Variants in LAMC3 observed in about 807,000 individuals in gnomAD.
The protein encoded by LAMC3 is laminin subunit gamma-3.
In LAMC3, 128 loss-of-function variants were observed where a neutral mutation model predicts 173.8. The ratio of observed to expected loss-of-function variants is 0.74; its 90% CI spans 0.64 to 0.85. LAMC3 has a LOEUF of 0.85. Ranked by LOEUF, LAMC3 falls within the 40% of genes least tolerant of loss-of-function variation. LAMC3 has a pLI of 0.00. For synonymous variants in LAMC3, 897 were observed against 909.1 expected, an observed-to-expected ratio of 0.99 and a Z score of 0.24; for missense variants, 2,022 against 2,156.0, an observed-to-expected ratio of 0.94 and a Z score of 1.23.
At chr9:131,037,772 C>T (rs889043555) in intron 4 of LAMC3, among the ~76,000 whole-genome samples, 7 of 152,224 alleles carry the variant, frequency 4.6e-5, no homozygotes, top group East Asian at 1.9e-4. Flanking sequence ...GGATCACAGG[C>T]GTGAGCCATG....
At chr9:131,040,887 G>A (rs953276218) in intron 6 of LAMC3, among the ~76,000 whole-genome samples, 7 of 152,194 alleles carry the variant, frequency 4.6e-5, no homozygotes, top group African/African-American at 7.2e-5. Flanking sequence ...CAGGGTCTGC[G>A]TGATCTGTCT....
rs146344490 is a variant in LAMC3 at position 131,084,144 on chromosome 9, A to G, written c.4031-1380A>G. 2.1e-3 allele frequency among the ~76,000 whole-genome samples: 318 copies of G among 150,860 alleles called. 1 individual carries two copies. The highest frequency in any genetic ancestry group is 7.5e-3 in the African/African-American group (306 of 40,996). ...GTGATCTACCTGCCTCCGCCTCCCA[A>G]AGTGTTAGGATTACAGGCGTAAGTC... is the stretch of plus-strand genomic sequence containing the variant. On this transcript the variant is annotated intron_variant, in intron 24 of 27. Coordinates refer to ENST00000361069, the MANE Select transcript of LAMC3 (RefSeq NM_006059.4).
chr9:131,041,226 A>G (rs1465818368), intron 6 of LAMC3, among the ~76,000 whole-genome samples: 1 of 152,000 alleles, frequency 6.6e-6, no homozygotes, highest in African/African-American at 2.4e-5. Flanking sequence ...AATTAGCTGG[A>G]CATGGTGATG....
chr9:131,071,423 G>A (rs1303557087), intron 17 of LAMC3, 61 bp from the exon 18 acceptor site: 18 of 1,592,984 alleles, frequency 1.1e-5, no homozygotes, highest in South Asian at 3.3e-5. Context: ...GCCAGCGGGA[G>A]TGTCTGGGCA....
At chr9:131,087,346 C>T (rs922737084) in intron 25 of LAMC3, 130 bp from the exon 26 acceptor site, 45 of 1,169,392 alleles carry the variant, frequency 3.8e-5, no homozygotes, top group African/African-American at 1.8e-4. Flanking sequence ...ATATTTGTTG[C>T]GTGCATGAAT....
rs1195799197 is a variant in LAMC3, at chr9:131,036,462, G to A, written c.976+130G>A. ...CCCGGGGGCAGCTCGGGGTCTCTGT[G>A]CTGCTGCAGAGATAAGGACGAGCAG... On this transcript the variant is annotated intron_variant, in intron 4 of 27. Coordinates refer to ENST00000361069, the MANE Select transcript of LAMC3 (RefSeq NM_006059.4). The A allele has an allele frequency of 3.0e-6, 3 of 1,005,038 alleles. No homozygotes were observed. In the African/African-American group the frequency reaches 4.7e-5, roughly 16 times the overall value. The allele number at this position is 1,005,038 out of a possible 1,614,324, so 62.3% of individuals were successfully genotyped here.
chr9:131,086,587 T>TTTTTTTTTTTTTTTCC (rs1830336041), intron 25 of LAMC3, among the ~76,000 whole-genome samples: 1 of 145,250 alleles, frequency 6.9e-6, no homozygotes, highest in Admixed American at 6.9e-5. Flanking sequence ...TTTTTTTTTT[T>TTTTTTTTTTTTTTTCC]GCAGAGATGA....
At chr9:131,085,765 C>A (rs200911954) in intron 25 of LAMC3, 42 bp downstream of exon 25, 3 of 1,591,294 alleles carry the variant, frequency 1.9e-6, no homozygotes, top group African/African-American at 1.3e-5. Context: ...CCTTCCCTCC[C>A]GGGGGGACCG....
intron 3 of LAMC3, among the ~76,000 whole-genome samples, chr9:131,034,544 A>T (rs1290620249): frequency 6.6e-6 from 1 of 152,080 alleles, no homozygotes; most frequent in Non-Finnish European, 1.5e-5. Context: ...CCAGGAGCTC[A>T]GGGTCCACGT....
chr9:131,091,578 G>A lies in LAMC3; in HGVS notation c.4519G>A (p.Glu1507Lys), dbSNP rs750892925. Residue 1507 changes from glutamate to lysine, a missense_variant, in exon 28 of 28, where the codon GAG becomes AAG. By Grantham distance (56) the Glu-to-Lys change is moderately conservative (BLOSUM62 1). Transcript: ENST00000361069. The stretch of plus-strand genomic sequence containing the variant: ...TCAAGCCCCAGCCCAGGCCCTGAAC[G>A]AGACTCAGTGGGCACTAGAACGCCT... ...THQAPAQALN[E>K]TQWALERLRL... The A allele has an allele frequency of 1.1e-5, 18 of 1,589,990 alleles. No individual in the cohort carries two copies. Among genetic ancestry groups the A allele is most frequent in the Middle Eastern group, 1.7e-4 (1 of 5,776 alleles).
At chr9:131,049,644 T>G (rs1264686769) in intron 9 of LAMC3, among the ~76,000 whole-genome samples, 1 of 152,180 alleles carries the variant, frequency 6.6e-6, no homozygotes, top group Non-Finnish European at 1.5e-5. Flanking sequence ...CAGACCACCG[T>G]ATCTGATGAA....
chr9:131,043,314 A>C (rs1834089811), intron 7 of LAMC3, among the ~76,000 whole-genome samples: 1 of 152,196 alleles, frequency 6.6e-6, no homozygotes, highest in African/African-American at 2.4e-5. Flanking sequence ...TTGGGTACAC[A>C]CTATCTCTTC....
chr9:131,039,507 A>G (rs1444792042), intron 6 of LAMC3, among the ~76,000 whole-genome samples: 3 of 151,998 alleles, frequency 2.0e-5, no homozygotes, highest in Non-Finnish European at 4.4e-5. Flanking sequence ...GAGGTGCTGC[A>G]TAAGTGCAGG....
chr9:131,046,058 A>G (rs772390253), intron 8 of LAMC3, among the ~76,000 whole-genome samples: 1 of 152,176 alleles, frequency 6.6e-6, no homozygotes, highest in African/African-American at 2.4e-5. Flanking sequence ...AGCACCTAAC[A>G]TGCAAGGATT....
At chr9:131,064,199 C>T (rs12339164) in intron 13 of LAMC3, among the ~76,000 whole-genome samples, 79,118 of 151,956 alleles carry the variant, frequency 0.52, 20,927 homozygotes, top group Non-Finnish European at 0.57. Context: ...TGAACCACCA[C>T]GCCCAGCCAG....
At chr9:131,049,170 G>A (rs1008363331) in intron 9 of LAMC3, 40 bp downstream of exon 9, 11 of 1,168,888 alleles carry the variant, frequency 9.4e-6, no homozygotes, top group African/African-American at 1.5e-5. Context: ...GCCCTGTGTC[G>A]GTTCCTCCTG....
At chr9:131,078,753 G>A (rs943104116) in intron 22 of LAMC3, among the ~76,000 whole-genome samples, 12 of 152,234 alleles carry the variant, frequency 7.9e-5, no homozygotes, top group Non-Finnish European at 1.6e-4. Flanking sequence ...CCAGATCTCA[G>A]TTCAGGGCTG....
chr9:131,076,568 T>C (rs1041745871), intron 21 of LAMC3, among the ~76,000 whole-genome samples: 4 of 152,066 alleles, frequency 2.6e-5, no homozygotes, highest in Non-Finnish European at 4.4e-5. Flanking sequence ...GAGCGATGGC[T>C]CTCTAAGGAG....
chr9:131,072,506 C>A (rs1395158818), intron 18 of LAMC3, 124 bp from the exon 19 acceptor site: 2 of 800,804 alleles, frequency 2.5e-6, no homozygotes, highest in East Asian at 5.3e-5. Context: ...TTGGGACTAC[C>A]TGTTGGTGCT....
Sources: allele counts gnomAD v4.1 joint callset (sites outside exome capture counted in the v4.1 genomes callset), GRCh38; gene constraint gnomAD v4.1.1; transcripts MANE v1.5; gene names NCBI Gene and HGNC (gene_info 2026-07-23, HGNC 2026-07-21).